Variants in DOCK2 observed in about 807,000 individuals in gnomAD.
DOCK2 encodes dedicator of cytokinesis protein 2.
A neutral mutation model predicts 248.9 loss-of-function variants in DOCK2; 87 were observed. The observed-to-expected ratio is 0.35, with a 90% CI of 0.29 to 0.42. The LOEUF is 0.42. Ranked by LOEUF, DOCK2 falls within the 10% of genes least tolerant of loss-of-function variation. The pLI is 1.00. For synonymous variants in DOCK2, 805 were observed against 821.6 expected, an observed-to-expected ratio of 0.98 and a Z score of 0.35; for missense variants, 1,747 against 2,300.2, an observed-to-expected ratio of 0.76 and a Z score of 4.92.
At chr5:169,728,064 TGAG>T (rs1352864606) in intron 22 of DOCK2, among the ~76,000 whole-genome samples, 1 of 152,210 alleles carries the variant, frequency 6.6e-6, no homozygotes, top group East Asian at 1.9e-4. Context: ...GGTTTACAGA[TGAG>T]GAGATGGCCA....
At chr5:170,068,590 G>A (rs1001258614) in intron 45 of DOCK2, among the ~76,000 whole-genome samples, 7 of 152,170 alleles carry the variant, frequency 4.6e-5, no homozygotes, top group Admixed American at 4.6e-4. Flanking sequence ...AGCAGTGATG[G>A]GATATGTCTG....
chr5:170,079,278 G>A (rs1757944017), intron 49 of DOCK2, 132 bp downstream of exon 49: 4 of 1,284,574 alleles, frequency 3.1e-6, no homozygotes, highest in South Asian at 1.4e-5. Context: ...TATTGCAGAG[G>A]CGGCACCTGA....
intron 7 of DOCK2, 123 bp from the exon 8 acceptor site, chr5:169,684,073 A>G (rs1009562360): frequency 2.0e-5 from 23 of 1,134,444 alleles, no homozygotes; most frequent in Non-Finnish European, 2.8e-5. Flanking sequence ...TTTTGATGGC[A>G]GAGCTGGATG....
At chr5:169,727,155 T>C (rs1023614820) in intron 22 of DOCK2, among the ~76,000 whole-genome samples, 19 of 152,132 alleles carry the variant, frequency 1.2e-4, no homozygotes, top group African/African-American at 4.3e-4. Context: ...AAATACAATC[T>C]GTGAAATAGA....
intron 27 of DOCK2, 70 bp downstream of exon 27, chr5:169,840,922 G>A: frequency 6.6e-7 from 1 of 1,512,906 alleles, no homozygotes. Flanking sequence ...TTTCTGAAAA[G>A]GCAGATCACA....
At chr5:169,681,059 G>A (rs1759631474) in intron 6 of DOCK2, among the ~76,000 whole-genome samples, 1 of 148,044 alleles carries the variant, frequency 6.8e-6, no homozygotes, top group Admixed American at 6.8e-5. Context: ...CTGCTATGTG[G>A]TATTCCATTA....
chr5:169,995,641 G>C (rs1754590569), intron 29 of DOCK2, among the ~76,000 whole-genome samples: 1 of 152,200 alleles, frequency 6.6e-6, no homozygotes, highest in Non-Finnish European at 1.5e-5. Flanking sequence ...TTATCAAAAT[G>C]ATACCCTGAA....
chr5:170,058,041 C>A (rs1245096367), intron 44 of DOCK2, among the ~76,000 whole-genome samples: 4 of 152,132 alleles, frequency 2.6e-5, no homozygotes, highest in African/African-American at 4.8e-5. Context: ...TGTGCAGTAT[C>A]CCAATATGAA....
At chr5:169,831,343 C>T (rs1013848662) in intron 26 of DOCK2, among the ~76,000 whole-genome samples, 1 of 152,156 alleles carries the variant, frequency 6.6e-6, no homozygotes, top group South Asian at 2.1e-4. Context: ...CTGTCATGTA[C>T]ATAATAGGAT....
At chr5:169,861,572 C>T (rs1026932434) in intron 27 of DOCK2, among the ~76,000 whole-genome samples, 5 of 152,318 alleles carry the variant, frequency 3.3e-5, no homozygotes, top group Admixed American at 6.5e-5. Flanking sequence ...GTTAATATCT[C>T]TCCAGCAAAC....
chr5:169,838,670 A>G (rs1452916513), intron 26 of DOCK2, among the ~76,000 whole-genome samples: 1 of 152,204 alleles, frequency 6.6e-6, no homozygotes, highest in Non-Finnish European at 1.5e-5. Flanking sequence ...GAGACCAGCA[A>G]GTCTCCAGCA....
At chr5:169,840,689 T>C in intron 26 of DOCK2, 68 bp from the exon 27 acceptor site, 1 of 1,451,518 alleles carries the variant, frequency 6.9e-7, no homozygotes, top group Non-Finnish European at 9.6e-7. Flanking sequence ...CTGTTGTCTG[T>C]GTCCTTTGTA....
At chr5:169,956,817 A>G (rs1018885398) in intron 27 of DOCK2, among the ~76,000 whole-genome samples, 3 of 152,086 alleles carry the variant, frequency 2.0e-5, no homozygotes, top group African/African-American at 4.8e-5. Flanking sequence ...AAATAAATTC[A>G]TTTTCAAGGT....
intron 3 of DOCK2, among the ~76,000 whole-genome samples, chr5:169,669,707 G>A (rs1758936178): frequency 6.6e-6 from 1 of 152,172 alleles, no homozygotes; most frequent in South Asian, 2.1e-4. Flanking sequence ...GGTCAACACA[G>A]AAAGGACAGG....
At chr5:170,002,971 A>G (rs1293252628) in intron 30 of DOCK2, among the ~76,000 whole-genome samples, 1 of 152,250 alleles carries the variant, frequency 6.6e-6, no homozygotes, top group African/African-American at 2.4e-5. Context: ...TTCTCTGACA[A>G]TACGGCAATA....
At chr5:169,820,712 CT>C (rs1362568364) in intron 26 of DOCK2, among the ~76,000 whole-genome samples, 1 of 152,188 alleles carries the variant, frequency 6.6e-6, no homozygotes, top group Non-Finnish European at 1.5e-5. Context: ...ATCAGAGCAC[CT>C]CTTCTCCTCC....
chr5:169,974,398 A>G (rs1158247306), intron 27 of DOCK2, among the ~76,000 whole-genome samples: 3 of 152,196 alleles, frequency 2.0e-5, no homozygotes, highest in Admixed American at 1.3e-4. Flanking sequence ...TTCCTTTGTT[A>G]TGGCCCTATA....
chr5:170,029,275 G>A (rs1255875179), intron 34 of DOCK2, among the ~76,000 whole-genome samples: 7 of 152,162 alleles, frequency 4.6e-5, no homozygotes, highest in Admixed American at 6.5e-5. Context: ...CCACCCCAGC[G>A]GGTGTAAAAT....
At chr5:169,843,150 A>C (rs1309835159) in intron 27 of DOCK2, among the ~76,000 whole-genome samples, 1 of 152,204 alleles carries the variant, frequency 6.6e-6, no homozygotes, top group Non-Finnish European at 1.5e-5. Context: ...ACTGTCTTAC[A>C]TGCAGGCTTA....
Sources: allele counts gnomAD v4.1 joint callset (sites outside exome capture counted in the v4.1 genomes callset), GRCh38; gene constraint gnomAD v4.1.1; transcripts MANE v1.5; gene names NCBI Gene and HGNC (gene_info 2026-07-23, HGNC 2026-07-21).